Variants in PRKG1 observed in about 807,000 individuals in gnomAD.
The protein encoded by PRKG1 is cGMP-dependent protein kinase 1.
Under a neutral mutation model 88.1 loss-of-function variants are expected in PRKG1, and 35 were observed. The observed-to-expected ratio is 0.40, with a 90% CI of 0.30 to 0.53. PRKG1 has a LOEUF of 0.53. PRKG1 is among the 20% of genes least tolerant of loss of function. PRKG1 has a pLI of 0.59. For synonymous variants in PRKG1, 303 were observed against 292.5 expected (o/e 1.04, Z -0.37); for missense variants, 540 against 839.8 (o/e 0.64, Z 4.41).
At chr10:51,807,748 C>G (rs891707489) in intron 4 of PRKG1, among the ~76,000 whole-genome samples, 1 of 152,086 alleles carries the variant, frequency 6.6e-6, no homozygotes, top group East Asian at 1.9e-4. Context: ...TGACAGCTGT[C>G]AAACAGAAAA....
At chr10:51,719,057 G>A (rs954794263) in intron 3 of PRKG1, among the ~76,000 whole-genome samples, 5 of 152,088 alleles carry the variant, frequency 3.3e-5, no homozygotes, top group Admixed American at 3.3e-4. Flanking sequence ...CCTGAGAAGG[G>A]AGCATCACTT....
intron 14 of PRKG1, among the ~76,000 whole-genome samples, chr10:52,282,626 G>C (rs1842025319): frequency 6.6e-6 from 1 of 152,054 alleles, no homozygotes; most frequent in South Asian, 2.1e-4. Flanking sequence ...CAATGAAACA[G>C]GGGAGATGAT....
intron 4 of PRKG1, among the ~76,000 whole-genome samples, chr10:51,865,083 C>G (rs1051988205): frequency 6.6e-6 from 1 of 152,050 alleles, no homozygotes; most frequent in African/African-American, 2.4e-5. Flanking sequence ...TTCACATTCT[C>G]AGAGAAATTT....
At chr10:51,232,863 A>G (rs1838882865) in intron 2 of PRKG1, among the ~76,000 whole-genome samples, 1 of 152,160 alleles carries the variant, frequency 6.6e-6, no homozygotes, top group Admixed American at 6.5e-5. Flanking sequence ...CAGGTGACCC[A>G]TTTCCATTTC....
At chr10:52,077,643 A>C (rs934241518) in intron 7 of PRKG1, among the ~76,000 whole-genome samples, 3 of 152,162 alleles carry the variant, frequency 2.0e-5, no homozygotes, top group Admixed American at 1.3e-4. Context: ...TTTAAAACTC[A>C]CTAGACAGTC....
In PRKG1 at chr10:52,225,132, A is replaced by G. The variant is rs569286398; in HGVS notation, c.1077-26438A>G. 3.5e-4 allele frequency among the ~76,000 whole-genome samples: 53 copies of G among 152,132 alleles called. 2 individuals are homozygous for G. The highest frequency in any genetic ancestry group is 6.8e-3 in the Middle Eastern group (2 of 294). ...TAAGTGTCCCCTGTTCAGCACATCC[A>G]TGCCAACATCTACTGTTTTTTGATT... On this transcript the variant is annotated intron_variant, in intron 9 of 17. Coordinates refer to ENST00000373980, the MANE Select transcript of PRKG1 (RefSeq NM_006258.4).
At chr10:52,054,688 T>G in intron 6 of PRKG1, 127 bp downstream of exon 6, 1 of 711,248 alleles carries the variant, frequency 1.4e-6, no homozygotes. Context: ...CAGAGAGGTA[T>G]TAGAGAATGG....
At chr10:52,050,811 A>G (rs1172937540) in intron 5 of PRKG1, among the ~76,000 whole-genome samples, 3 of 152,246 alleles carry the variant, frequency 2.0e-5, no homozygotes, top group Non-Finnish European at 4.4e-5. Context: ...TAAATAGACT[A>G]GACTATATCT....
At chr10:51,279,378 T>C (rs1255687119) in intron 2 of PRKG1, among the ~76,000 whole-genome samples, 1 of 152,224 alleles carries the variant, frequency 6.6e-6, no homozygotes, top group East Asian at 1.9e-4. Context: ...TTTCCAATTA[T>C]GTGGTCAATT....
rs145587633 is a variant in PRKG1 at position 52,143,989 on chromosome 10, G to T, written c.1001+10084G>T. On this transcript the variant is annotated intron_variant, in intron 8 of 17. Coordinates refer to ENST00000373980, the MANE Select transcript of PRKG1 (RefSeq NM_006258.4). Reference sequence around the variant, plus strand: ...ATCAGCATGAGAAACTGCATTTTGAGTAAGAATAAAATACTTGGGGAACAT... The same window carrying T: ...ATCAGCATGAGAAACTGCATTTTGATTAAGAATAAAATACTTGGGGAACAT... Among the ~76,000 whole-genome samples the T allele has an allele frequency of 5.3e-5, 8 of 152,288 alleles. No individual in the cohort carries two copies. The East Asian group carries it at 1.5e-3, about 29-fold the overall frequency.
rs754567668 is a variant in PRKG1 at position 52,161,960 on chromosome 10, C to G, written c.1073C>G (p.Ala358Gly). 4 of 1,609,588 alleles carry G rather than the reference C, an allele frequency of 2.5e-6. No homozygotes were observed. In the Admixed American group the frequency reaches 5.0e-5, roughly 20 times the overall value. ...GCATATGAAGATGCAGAAGCTAAAGCAAAGTAAGTGACTTTTTTCCTTAAT... is the reference window on the plus strand; with the variant it reads ...GCATATGAAGATGCAGAAGCTAAAGGAAAGTAAGTGACTTTTTTCCTTAAT... The part of the protein sequence containing the change: ...NKAYEDAEAK[A>G]KYEAEAAFFA... The change falls in exon 9 of 18, where the codon GCA becomes GGA. Residue 358 changes from alanine to glycine, a missense_variant. This residue lies in a region of PRKG1 where 400 missense variants were observed against 562.7 expected (regional missense o/e 0.71). Transcript: ENST00000373980.
chr10:51,873,013 C>T (rs753183033), intron 4 of PRKG1, among the ~76,000 whole-genome samples: 1 of 152,070 alleles, frequency 6.6e-6, no homozygotes, highest in African/African-American at 2.4e-5. Flanking sequence ...GTTATATCTG[C>T]ACCATTTGTT....
chr10:52,285,420 CCTATAA>C (rs1338439113), intron 14 of PRKG1, among the ~76,000 whole-genome samples: 1 of 151,986 alleles, frequency 6.6e-6, no homozygotes, highest in Non-Finnish European at 1.5e-5. Flanking sequence ...TGGTAGACTT[CCTATAA>C]CTATGAGGGG....
chr10:51,099,620 G>A (rs980207169), intron 1 of PRKG1, among the ~76,000 whole-genome samples: 1 of 152,022 alleles, frequency 6.6e-6, no homozygotes, highest in African/African-American at 2.4e-5. Context: ...CCTATATTGA[G>A]GTATTTTTTT....
chr10:51,096,494 T>C (rs574312388), intron 1 of PRKG1, among the ~76,000 whole-genome samples: 2 of 152,202 alleles, frequency 1.3e-5, no homozygotes, highest in African/African-American at 4.8e-5. Context: ...GTTTTGACAG[T>C]ACTTGTGCCC....
At chr10:51,910,010 G>A (rs6480574) in intron 5 of PRKG1, 113,928 of 151,850 alleles carry the variant, frequency 0.75, 43,239 homozygotes, top group African/African-American at 0.87. Context: ...ATGCAGGTGG[G>A]TGGATTGATG....
chr10:51,931,258 C>G (rs1255789441), intron 5 of PRKG1, among the ~76,000 whole-genome samples: 2 of 152,116 alleles, frequency 1.3e-5, no homozygotes, highest in African/African-American at 4.8e-5. Context: ...TACCAGGGGT[C>G]AATTCAACAT....
chr10:51,671,102 A>T (rs1840562781), intron 3 of PRKG1, among the ~76,000 whole-genome samples: 1 of 152,168 alleles, frequency 6.6e-6, no homozygotes, highest in Non-Finnish European at 1.5e-5. Context: ...AAGTTTAATC[A>T]ATGAGAATCT....
chr10:52,218,573 G>C (rs1840171385), intron 9 of PRKG1, among the ~76,000 whole-genome samples: 1 of 152,128 alleles, frequency 6.6e-6, no homozygotes, highest in African/African-American at 2.4e-5. Flanking sequence ...CAACAGCCAA[G>C]GCAGTATTCT....
Sources: allele counts gnomAD v4.1 joint callset (sites outside exome capture counted in the v4.1 genomes callset), GRCh38; gene constraint gnomAD v4.1.1; regional missense constraint gnomAD v4.1.1; transcripts MANE v1.5; gene names NCBI Gene and HGNC (gene_info 2026-07-23, HGNC 2026-07-21).